The following COLEC12 variants were observed in gnomAD, a reference collection of about 807,000 sequenced individuals.
COLEC12 encodes the protein collectin-12.
COLEC12 carries 33 observed loss-of-function variants against 71.1 expected under a neutral mutation model. The ratio of observed to expected loss-of-function variants is 0.46; its 90% CI spans 0.35 to 0.62. The LOEUF (loss-of-function observed/expected upper bound fraction) is 0.62, where lower values mean the gene tolerates loss of function less well. Ranked by LOEUF, COLEC12 falls within the 20% of genes least tolerant of loss-of-function variation. The pLI is 0.00. For synonymous variants in COLEC12, 350 were observed against 353.0 expected (o/e 0.99, Z 0.10); for missense variants, 765 against 916.1 (o/e 0.84, Z 2.13).
In COLEC12 at chr18:347,096, C is replaced by T. The variant is rs1914397690; in HGVS notation, c.526G>A (p.Gly176Ser). ...TVNKTLQAYN[G>S]YVTNLQQDTS... is the part of the protein sequence containing the mutation. Reference sequence around the variant, plus strand: ...TCTTGCTGCAGATTCGTGACATAGCCATTATACGCCTGGAGGGTTTTGTTT... The same window carrying T: ...TCTTGCTGCAGATTCGTGACATAGCTATTATACGCCTGGAGGGTTTTGTTT... Residue 176 changes from glycine to serine, a missense_variant, in exon 5 of 10, where the codon GGC becomes AGC. Transcript: ENST00000400256. 1.2e-6 allele frequency: 2 copies of T among 1,614,150 alleles called. No homozygotes were observed. The highest frequency in any genetic ancestry group is 1.3e-5 in the African/African-American group (1 of 75,024).
In COLEC12 at chr18:318,312, AG is replaced by A. The variant is rs1913601846; in HGVS notation, c.*1732del. ...TTCTTTTACCATTTTATTTGGGATA[AG>A]TAGCAGCACTGCCTGGGAAGACCCT... On this transcript the variant is annotated 3_prime_UTR_variant, in exon 10 of 10. Coordinates refer to ENST00000400256, the MANE Select transcript of COLEC12 (RefSeq NM_130386.3). The A allele has an allele frequency of 6.6e-6, 1 of 151,564 alleles. No individual in the cohort carries two copies. Among genetic ancestry groups the A allele is most frequent in the African/African-American group, 2.4e-5 (1 of 41,232 alleles). The allele number at this position is 151,564 out of a possible 1,614,324, so 9.4% of individuals were successfully genotyped here. A position where few individuals can be genotyped will look rare whatever the true frequency, so the allele number is the denominator to read the frequency against.
At chr18:380,272 C>T (rs1403020001) in intron 2 of COLEC12, among the ~76,000 whole-genome samples, 1 of 152,076 alleles carries the variant, frequency 6.6e-6, no homozygotes, top group Non-Finnish European at 1.5e-5. Context: ...GCTGGCTCTT[C>T]CCTCCCTTGT....
At position 465,260 on chromosome 18, in the gene COLEC12, A is replaced by G. The variant is rs139287482; in HGVS notation, c.58+15447T>C. Among the ~76,000 whole-genome samples the G allele has an allele frequency of 5.8e-3, 883 of 152,024 alleles. 11 individuals carry two copies. Among genetic ancestry groups the G allele is most frequent in the African/African-American group, 0.02 (843 of 41,458 alleles). On this transcript the variant is annotated intron_variant, in intron 2 of 9. Coordinates refer to ENST00000400256, the MANE Select transcript of COLEC12 (RefSeq NM_130386.3). ...TGGGATTACAGGCATGCACCACCAC[A>G]CCTGGATAATTTTTGTATTTTTAGT...
In COLEC12 at chr18:347,399, G is replaced by T. The variant is rs974734171; in HGVS notation, c.281-58C>A. 4 of 1,435,564 alleles carry T rather than the reference G, an allele frequency of 2.8e-6. No homozygotes were observed. In the African/African-American group the frequency reaches 4.2e-5, roughly 15 times the overall value. The allele number at this position is 1,435,564 out of a possible 1,614,324, so 88.9% of individuals were successfully genotyped here. A position where few individuals can be genotyped will look rare whatever the true frequency, so the allele number is the denominator to read the frequency against. ...TGGTATGGAGAAGTGTTCAGGCAAGGCCAAAGATCCCGAACACACTTAATC... is the reference window on the plus strand; with the variant it reads ...TGGTATGGAGAAGTGTTCAGGCAAGTCCAAAGATCCCGAACACACTTAATC... On this transcript the variant is annotated intron_variant, in intron 4 of 9. Coordinates refer to ENST00000400256, the MANE Select transcript of COLEC12 (RefSeq NM_130386.3).
intron 2 of COLEC12, among the ~76,000 whole-genome samples, chr18:465,155 G>C (rs1005390151): frequency 6.6e-6 from 1 of 152,186 alleles, no homozygotes; most frequent in African/African-American, 2.4e-5. Flanking sequence ...CCAGACTGGA[G>C]TGCAGTGGTG....
At chr18:443,911 C>T (rs1019543720) in intron 2 of COLEC12, among the ~76,000 whole-genome samples, 5 of 152,066 alleles carry the variant, frequency 3.3e-5, no homozygotes, top group Admixed American at 1.3e-4. Context: ...GTCTCCTCCC[C>T]ACTCTCTATC....
At chr18:451,056 G>T (rs956987057) in intron 2 of COLEC12, among the ~76,000 whole-genome samples, 17 of 152,288 alleles carry the variant, frequency 1.1e-4, no homozygotes, top group African/African-American at 3.6e-4. Flanking sequence ...GATGTGGCTT[G>T]GTTGCTTCTA....
chr18:405,567 T>A (rs924258599), intron 2 of COLEC12, among the ~76,000 whole-genome samples: 1 of 152,096 alleles, frequency 6.6e-6, no homozygotes, highest in Non-Finnish European at 1.5e-5. Flanking sequence ...AGAACCTACG[T>A]TGAAATATTG....
chr18:320,979 C>T (rs537712314), intron 9 of COLEC12, among the ~76,000 whole-genome samples: 8 of 152,348 alleles, frequency 5.3e-5, no homozygotes, highest in African/African-American at 1.9e-4. Flanking sequence ...TCAATAGATA[C>T]ACGTGGAATT....
intron 2 of COLEC12, among the ~76,000 whole-genome samples, chr18:438,040 T>G (rs181950413): frequency 6.6e-6 from 1 of 152,322 alleles, no homozygotes; most frequent in African/African-American, 2.4e-5. Context: ...CTGAATATAT[T>G]TTGAGTTTAA....
At chr18:381,254 G>A (rs1915226120) in intron 2 of COLEC12, among the ~76,000 whole-genome samples, 1 of 152,172 alleles carries the variant, frequency 6.6e-6, no homozygotes, top group Admixed American at 6.5e-5. Context: ...AGTTTTCAAT[G>A]TCTGGCATGA....
At chr18:351,040 T>C (rs1035113516) in intron 3 of COLEC12, among the ~76,000 whole-genome samples, 1 of 152,106 alleles carries the variant, frequency 6.6e-6, no homozygotes, top group Non-Finnish European at 1.5e-5. Context: ...TAATTTATTG[T>C]ATTCATCACA....
In COLEC12 at chr18:405,444, C is replaced by T. The variant is rs113711247; in HGVS notation, c.59-47922G>A. Among the ~76,000 whole-genome samples, 385 of 152,262 alleles carry T rather than the reference C, an allele frequency of 2.5e-3. 1 individual carries two copies. Among genetic ancestry groups the T allele is most frequent in the African/African-American group, 8.7e-3 (363 of 41,544 alleles). On this transcript the variant is annotated intron_variant, in intron 2 of 9. Transcript: ENST00000400256. ...AAAACTTGCTGGTCTGAGACTCAGGCGGGCATCACAATCCTACCGATATGT... is the reference window on the plus strand; with the variant it reads ...AAAACTTGCTGGTCTGAGACTCAGGTGGGCATCACAATCCTACCGATATGT...
intron 8 of COLEC12, among the ~76,000 whole-genome samples, chr18:322,014 G>A (rs1481833912): frequency 2.6e-5 from 4 of 152,200 alleles, no homozygotes; most frequent in Non-Finnish European, 4.4e-5. Flanking sequence ...ATCTCCCTGC[G>A]CGCTTGTGAT....
At chr18:384,610 T>C (rs980812286) in intron 2 of COLEC12, among the ~76,000 whole-genome samples, 1 of 152,234 alleles carries the variant, frequency 6.6e-6, no homozygotes, top group African/African-American at 2.4e-5. Context: ...TGCAACCTAC[T>C]GCTGAATGCT....
At chr18:430,395 C>G (rs758986170) in intron 2 of COLEC12, among the ~76,000 whole-genome samples, 2 of 151,866 alleles carry the variant, frequency 1.3e-5, no homozygotes, top group African/African-American at 2.4e-5. Context: ...TACTCCATAT[C>G]TAGATAACTT....
At chr18:482,409 C>T (rs758204415) in intron 1 of COLEC12, among the ~76,000 whole-genome samples, 3 of 151,754 alleles carry the variant, frequency 2.0e-5, no homozygotes, top group Admixed American at 1.3e-4. Flanking sequence ...CCACCGTGCC[C>T]GGCCAACACT....
At chr18:418,970 A>T (rs1287322884) in intron 2 of COLEC12, among the ~76,000 whole-genome samples, 9 of 152,130 alleles carry the variant, frequency 5.9e-5, no homozygotes, top group Non-Finnish European at 8.8e-5. Flanking sequence ...CTGGATCAGG[A>T]CCCCTTTCCT....
At chr18:329,612 G>C (rs1423986501) in intron 8 of COLEC12, among the ~76,000 whole-genome samples, 1 of 152,182 alleles carries the variant, frequency 6.6e-6, no homozygotes, top group Non-Finnish European at 1.5e-5. Flanking sequence ...GATTATGCCA[G>C]GGGGTACCCC....
Sources: allele counts gnomAD v4.1 joint callset (sites outside exome capture counted in the v4.1 genomes callset), GRCh38; gene constraint gnomAD v4.1.1; transcripts MANE v1.5; gene names NCBI Gene and HGNC (gene_info 2026-07-23, HGNC 2026-07-21).